Variants in SPA17 observed in about 807,000 individuals in gnomAD.
The protein encoded by SPA17 is sperm surface protein Sp17.
SPA17 carries 7 observed loss-of-function variants against 13.8 expected under a neutral mutation model. The observed-to-expected ratio is 0.51, with a 90% confidence interval of 0.29 to 0.95. The LOEUF is 0.95. Ranked by LOEUF, SPA17 falls within the 40% of genes least tolerant of loss-of-function variation. SPA17 has a pLI of 0.08. For missense variants in SPA17, 170 were observed against 179.3 expected (o/e 0.95, Z 0.30); for synonymous variants, 61 against 59.0 (o/e 1.03, Z -0.16).
chr11:124,681,916 A>G (rs1453821313), intron 3 of SPA17, among the ~76,000 whole-genome samples: 2 of 152,198 alleles, frequency 1.3e-5, no homozygotes, highest in Non-Finnish European at 2.9e-5. Context: ...CCAAAACACT[A>G]TTAGTCCAAT....
intron 2 of SPA17, among the ~76,000 whole-genome samples, chr11:124,679,922 C>T (rs1041160245): frequency 5.9e-5 from 9 of 151,936 alleles, no homozygotes; most frequent in Non-Finnish European, 1.2e-4. Context: ...CTTAAACATT[C>T]GTGAATTTGT....
chr11:124,692,959 C>G (rs985686911), intron 4 of SPA17, among the ~76,000 whole-genome samples: 1 of 152,194 alleles, frequency 6.6e-6, no homozygotes, highest in Non-Finnish European at 1.5e-5. Context: ...TTGCTTTTCC[C>G]TATAAGATTT....
At chr11:124,692,892 T>C (rs1287935390) in intron 4 of SPA17, among the ~76,000 whole-genome samples, 1 of 152,210 alleles carries the variant, frequency 6.6e-6, no homozygotes, top group Admixed American at 6.5e-5. Context: ...GCCCAAGAAC[T>C]GGCAGCCAGA....
intron 2 of SPA17, among the ~76,000 whole-genome samples, chr11:124,680,474 T>C (rs1943516408): frequency 6.6e-6 from 1 of 152,142 alleles, no homozygotes; most frequent in Non-Finnish European, 1.5e-5. Flanking sequence ...AAGGAAAGAA[T>C]AGGGGCTGGG....
chr11:124,691,730 A>T lies in SPA17; in HGVS notation c.260A>T (p.Gln87Leu), dbSNP rs1943624786. ...QEPPEKSDPK[Q>L]EESQISGKEE... ...CCACCTGAGAAAAGTGATCCTAAAC[A>T]AGAAGAGTCTCAGATATCTGGGAAG... is the stretch of plus-strand genomic sequence containing the variant. The change falls in exon 4 of 5, where the codon CAA (glutamine) becomes CTA (leucine). Residue 87 changes from glutamine to leucine, a missense_variant. Physicochemically the swap from Gln to Leu is moderately radical, Grantham distance 113. Transcript: ENST00000227135. 1 of 1,612,614 alleles carries T rather than the reference A, an allele frequency of 6.2e-7. No individual in the cohort carries two copies.
At chr11:124,676,331 G>A (rs1326528698) in intron 2 of SPA17, 2 of 152,346 alleles carry the variant, frequency 1.3e-5, no homozygotes, top group East Asian at 3.9e-4. Flanking sequence ...CCCCTGGAAA[G>A]CCATTGTTGA....
chr11:124,679,977 G>A (rs1346296051), intron 2 of SPA17, among the ~76,000 whole-genome samples: 3 of 152,176 alleles, frequency 2.0e-5, no homozygotes, highest in African/African-American at 4.8e-5. Context: ...AGGATCCTAG[G>A]AATCCAACTG....
chr11:124,675,633 A>T, intron 2 of SPA17: 1 of 464,484 alleles, frequency 2.2e-6, no homozygotes, highest in Non-Finnish European at 3.8e-6. Flanking sequence ...CATTATTCAG[A>T]CCGTCTTCAT....
At chr11:124,689,763 AAAAAAGAAAAAG>A (rs559611979) in intron 3 of SPA17, among the ~76,000 whole-genome samples, 176 of 152,244 alleles carry the variant, frequency 1.2e-3, no homozygotes, top group South Asian at 2.1e-3. Context: ...GTCTCAAAAA[AAAAAAGAAAAAG>A]AAAAAGAAAA....
At chr11:124,685,922 C>T (rs1282500544) in intron 3 of SPA17, among the ~76,000 whole-genome samples, 2 of 152,170 alleles carry the variant, frequency 1.3e-5, no homozygotes, top group Non-Finnish European at 2.9e-5. Context: ...TTTGATTTTA[C>T]AGGCTCATAG....
intron 3 of SPA17, among the ~76,000 whole-genome samples, chr11:124,685,272 A>G (rs889937531): frequency 7.2e-5 from 11 of 152,258 alleles, no homozygotes; most frequent in Non-Finnish European, 1.3e-4. Context: ...AAAGGGGCCA[A>G]TGTACAGTTC....
intron 3 of SPA17, among the ~76,000 whole-genome samples, chr11:124,688,715 A>C (rs1943597690): frequency 6.6e-6 from 1 of 152,248 alleles, no homozygotes. Context: ...CACTTTTCAC[A>C]GAATTGAGAA....
At chr11:124,680,010 AAAAGG>A (rs1943512607) in intron 2 of SPA17, among the ~76,000 whole-genome samples, 1 of 152,232 alleles carries the variant, frequency 6.6e-6, no homozygotes, top group Non-Finnish European at 1.5e-5. Context: ...ACTGGTAAAT[AAAAGG>A]AAAGGAAAGA....
chr11:124,687,444 C>CA (rs1943587581), intron 3 of SPA17, among the ~76,000 whole-genome samples: 1 of 152,126 alleles, frequency 6.6e-6, no homozygotes, highest in Non-Finnish European at 1.5e-5. Flanking sequence ...CTCCCTAACT[C>CA]ATTCTATGAG....
At chr11:124,683,894 C>T (rs1456982303) in intron 3 of SPA17, among the ~76,000 whole-genome samples, 1 of 152,158 alleles carries the variant, frequency 6.6e-6, no homozygotes, top group Admixed American at 6.5e-5. Flanking sequence ...GGGGCTTCAA[C>T]ACCCCACTCA....
intron 4 of SPA17, among the ~76,000 whole-genome samples, chr11:124,692,601 T>C (rs1943632745): frequency 6.6e-6 from 1 of 151,854 alleles, no homozygotes; most frequent in African/African-American, 2.4e-5. Flanking sequence ...AAAAAAGACA[T>C]AGCGAAGTCC....
rs1465010144 is a variant in SPA17, at chr11:124,696,108, A to C, written c.*1662A>C. 3 of 152,196 alleles carry C rather than the reference A, an allele frequency of 2.0e-5. No homozygotes were observed. Among genetic ancestry groups the C allele is most frequent in the African/African-American group, 7.2e-5 (3 of 41,432 alleles). The allele number at this position is 152,196 out of a possible 1,614,324, so 9.4% of individuals were successfully genotyped here. On this transcript the variant is annotated 3_prime_UTR_variant, in exon 5 of 5. Coordinates refer to ENST00000227135, the MANE Select transcript of SPA17 (RefSeq NM_017425.4). ...CCAAAATCTTGCTGCCACTGTAGAGAGTTTCATGCTAGCTAAACACAAGTC... is the reference window on the plus strand; with the variant it reads ...CCAAAATCTTGCTGCCACTGTAGAGCGTTTCATGCTAGCTAAACACAAGTC...
chr11:124,689,970 T>C (rs1369937676), intron 3 of SPA17, among the ~76,000 whole-genome samples: 1 of 152,144 alleles, frequency 6.6e-6, no homozygotes, highest in Non-Finnish European at 1.5e-5. Flanking sequence ...TAACAGATAC[T>C]GGCAAGGATT....
intron 2 of SPA17, among the ~76,000 whole-genome samples, chr11:124,679,289 T>G (rs184202036): frequency 3.4e-4 from 52 of 151,958 alleles, no homozygotes; most frequent in African/African-American, 1.1e-3. Context: ...AGTGCATATA[T>G]CCTAAAAACA....
Sources: gnomAD v4.1 joint callset for allele counts (sites outside exome capture counted in the v4.1 genomes callset) on GRCh38, gnomAD v4.1.1 for gene constraint, MANE v1.5 for transcripts, NCBI Gene and HGNC (gene_info 2026-07-23, HGNC 2026-07-21) for gene names.